Variants in TSEN15 observed in about 807,000 individuals in gnomAD.
TSEN15 encodes tRNA-splicing endonuclease subunit Sen15.
In TSEN15, 10 loss-of-function variants were observed where a neutral mutation model predicts 20.5. That is an observed-to-expected ratio of 0.49 (90% CI 0.30 to 0.83). TSEN15 has a LOEUF of 0.83. Among genes scored for constraint, TSEN15 ranks in the 40% least tolerant of loss-of-function variants. The probability of loss-of-function intolerance (pLI) is 0.06; values close to 1 mark genes in which losing one functional copy is unlikely to be tolerated. For missense variants in TSEN15, 180 were observed against 218.6 expected (o/e 0.82, Z 1.11); for synonymous variants, 72 against 80.1 (o/e 0.90, Z 0.54).
In TSEN15 at chr1:184,051,778, A is replaced by G. The variant is rs1367086755; in HGVS notation, c.23A>G (p.Glu8Gly). Residue 8 changes from glutamate (E) to glycine (G), a missense_variant, in exon 1 of 5, where the codon GAG becomes GGG. This residue lies in a region of TSEN15 where 76 missense variants were observed against 66.5 expected (regional missense o/e 1.14). Coordinates refer to ENST00000645668, the MANE Select transcript of TSEN15 (RefSeq NM_052965.4). MEERGDS[E>G]PTPGCSGLGP... Reference sequence around the variant, plus strand: ...GGCATGGAGGAGCGCGGCGATTCCGAGCCGACCCCCGGCTGCAGCGGCCTG... The same window carrying G: ...GGCATGGAGGAGCGCGGCGATTCCGGGCCGACCCCCGGCTGCAGCGGCCTG... 3 of 1,512,488 alleles carry G rather than the reference A, an allele frequency of 2.0e-6. No homozygotes were observed. Among genetic ancestry groups the G allele is most frequent in the Non-Finnish European group, 1.8e-6 (2 of 1,131,052 alleles). The allele number at this position is 1,512,488 out of a possible 1,614,324, so 93.7% of individuals were successfully genotyped here.
intron 3 of TSEN15, among the ~76,000 whole-genome samples, chr1:184,065,442 A>G (rs1456786771): frequency 6.6e-6 from 1 of 152,216 alleles, no homozygotes; most frequent in Non-Finnish European, 1.5e-5. Flanking sequence ...TGACAAATGC[A>G]TAATGTCATG....
intron 3 of TSEN15, among the ~76,000 whole-genome samples, chr1:184,082,538 T>C (rs1227422071): frequency 6.6e-6 from 1 of 152,094 alleles, no homozygotes; most frequent in African/African-American, 2.4e-5. Flanking sequence ...GTGCTGGCCA[T>C]ATTCCCTTTC....
At chr1:184,058,452 A>C (rs1282239498) in intron 3 of TSEN15, among the ~76,000 whole-genome samples, 1 of 151,884 alleles carries the variant, frequency 6.6e-6, no homozygotes, top group Non-Finnish European at 1.5e-5. Context: ...TAACAAATGG[A>C]AATGTGTGGG....
intron 3 of TSEN15, among the ~76,000 whole-genome samples, chr1:184,069,126 T>C (rs1650793092): frequency 6.6e-6 from 1 of 152,200 alleles, no homozygotes; most frequent in South Asian, 2.1e-4. Context: ...TCAGGCTTGT[T>C]TTCAAGTTAG....
intron 1 of TSEN15, among the ~76,000 whole-genome samples, 157 bp from the exon 2 acceptor site, chr1:184,054,197 C>G (rs1199448586): frequency 6.6e-6 from 1 of 152,170 alleles, no homozygotes; most frequent in Non-Finnish European, 1.5e-5. Context: ...ATTGCAAGTT[C>G]TTTAGAGACA....
chr1:184,090,339 G>A (rs1046830575), intron 3 of TSEN15, among the ~76,000 whole-genome samples: 1 of 152,116 alleles, frequency 6.6e-6, no homozygotes, highest in Non-Finnish European at 1.5e-5. Flanking sequence ...ACACAAAAGG[G>A]CATGAAGGAA....
Position 184,073,638 on chromosome 1 carries a change from A to G in TSEN15, c.*791A>G, listed in dbSNP as rs973917352. 4.6e-5 allele frequency: 7 copies of G among 152,642 alleles called. No homozygotes were observed. Among genetic ancestry groups the G allele is most frequent in the Non-Finnish European group, 1.0e-4 (7 of 68,044 alleles). 9.5% of individuals were successfully genotyped at this position (152,642 alleles called of 1,614,324 possible). On this transcript the variant is annotated 3_prime_UTR_variant, in exon 5 of 5. Coordinates refer to ENST00000645668, the MANE Select transcript of TSEN15 (RefSeq NM_052965.4). The stretch of plus-strand genomic sequence containing the variant: ...TCTCAAATTGTACAAAGTATAAAAA[A>G]TTATATGCACAAAGATGTTCCAAGT...
chr1:184,087,269 T>TA (rs1651278390), intron 3 of TSEN15, among the ~76,000 whole-genome samples: 1 of 152,214 alleles, frequency 6.6e-6, no homozygotes, highest in South Asian at 2.1e-4. Context: ...ATAACCAATA[T>TA]AAAAATTATT....
intron 3 of TSEN15, among the ~76,000 whole-genome samples, chr1:184,062,411 G>T (rs1438163130): frequency 6.6e-6 from 1 of 152,088 alleles, no homozygotes; most frequent in Non-Finnish European, 1.5e-5. Context: ...AAAGAGATCT[G>T]ATGGATTTAA....
chr1:184,072,008 C>G, intron 3 of TSEN15, 149 bp from the exon 4 acceptor site: 1 of 665,678 alleles, frequency 1.5e-6, no homozygotes, highest in Non-Finnish European at 2.4e-6. Context: ...CCAGAAGACT[C>G]TGATGTTATT....
chr1:184,068,721 T>C (rs1650780859), intron 3 of TSEN15, among the ~76,000 whole-genome samples: 1 of 152,204 alleles, frequency 6.6e-6, no homozygotes, highest in South Asian at 2.1e-4. Flanking sequence ...AAGGCTTCTT[T>C]GGTGCCTCTG....
intron 3 of TSEN15, among the ~76,000 whole-genome samples, chr1:184,059,049 G>C (rs924350798): frequency 8.3e-6 from 1 of 120,742 alleles, no homozygotes; most frequent in Non-Finnish European, 1.8e-5. Context: ...TTTTTTTTTT[G>C]GTAATTGTTG....
intron 3 of TSEN15, among the ~76,000 whole-genome samples, chr1:184,055,380 T>C (rs2102878354): frequency 6.6e-6 from 1 of 152,276 alleles, no homozygotes; most frequent in Admixed American, 6.5e-5. Context: ...ACATTGGGGA[T>C]TACAGTTCAA....
exon 4 of TSEN15, chr1:184,095,894 A>G: frequency 2.5e-6 from 1 of 396,446 alleles, no homozygotes; most frequent in Non-Finnish European, 4.4e-6. Context: ...ACTAACGTAA[A>G]ATGCTTTGGT....
Position 184,073,975 on chromosome 1 carries a change from G to C in TSEN15, c.*1128G>C, listed in dbSNP as rs937543410. The C allele has an allele frequency of 6.6e-6, 1 of 152,078 alleles. No individual in the cohort carries two copies. 9.4% of individuals were successfully genotyped at this position (152,078 alleles called of 1,614,324 possible). A position where few individuals can be genotyped will look rare whatever the true frequency, so the allele number is the denominator to read the frequency against. On this transcript the variant is annotated 3_prime_UTR_variant, in exon 5 of 5. Transcript: ENST00000645668. ...TACATAATGTACTTATTAAAAATTA[G>C]TAATGAATATTATTAAAAACATGAA... is the stretch of plus-strand genomic sequence containing the variant.
chr1:184,052,939 C>A (rs945598882), intron 1 of TSEN15, among the ~76,000 whole-genome samples: 1 of 152,038 alleles, frequency 6.6e-6, no homozygotes, highest in Admixed American at 6.6e-5. Context: ...GTTTCCTCAC[C>A]TGAAAAATGG....
At chr1:184,096,020 C>G (rs1369806947) in exon 4 of TSEN15, 1 of 316,672 alleles carries the variant, frequency 3.2e-6, no homozygotes, top group Non-Finnish European at 5.7e-6. Flanking sequence ...AACACCCACC[C>G]TTCTGGGGGA....
At chr1:184,056,601 TTCTA>T (rs1347061554) in intron 3 of TSEN15, among the ~76,000 whole-genome samples, 3 of 152,186 alleles carry the variant, frequency 2.0e-5, no homozygotes, top group Admixed American at 1.3e-4. Flanking sequence ...AAGAAATATT[TTCTA>T]TCTAACGGTC....
chr1:184,085,150 G>C (rs554929618), intron 3 of TSEN15, among the ~76,000 whole-genome samples: 1 of 152,282 alleles, frequency 6.6e-6, no homozygotes, highest in African/African-American at 2.4e-5. Context: ...CTGAAAAGAA[G>C]TTAAACTTAG....
Sources: allele counts gnomAD v4.1 joint callset (sites outside exome capture counted in the v4.1 genomes callset), GRCh38; gene constraint gnomAD v4.1.1; regional missense constraint gnomAD v4.1.1; transcripts MANE v1.5; gene names NCBI Gene and HGNC (gene_info 2026-07-23, HGNC 2026-07-21).